The following AGBL3 variants were observed in gnomAD, a reference collection of about 807,000 sequenced individuals.
AGBL3 encodes the protein AGBL carboxypeptidase 3, also known as cytosolic carboxypeptidase 3.
In AGBL3, 68 loss-of-function variants were observed where a neutral mutation model predicts 94.5. The ratio of observed to expected loss-of-function variants is 0.72; its 90% CI spans 0.59 to 0.88. AGBL3 has a LOEUF of 0.88. Ranked by LOEUF, AGBL3 falls within the 40% of genes least tolerant of loss-of-function variation. The pLI is 0.00. For synonymous variants in AGBL3, 354 were observed against 370.7 expected (o/e 0.95, Z 0.52); for missense variants, 934 against 1,103.8 (o/e 0.85, Z 2.18).
intron 3 of AGBL3, among the ~76,000 whole-genome samples, chr7:134,992,272 A>G (rs1444925166): frequency 6.6e-6 from 1 of 152,204 alleles, no homozygotes; most frequent in Non-Finnish European, 1.5e-5. Context: ...GAGTGTGTCC[A>G]GCCACAACAG....
chr7:135,083,813 T>G (rs1821109865), intron 15 of AGBL3, among the ~76,000 whole-genome samples: 1 of 152,226 alleles, frequency 6.6e-6, no homozygotes, highest in Admixed American at 6.6e-5. Flanking sequence ...GTTTTAAAAT[T>G]TTAGTGAACA....
At chr7:135,116,901 G>A (rs1243784260) in intron 16 of AGBL3, among the ~76,000 whole-genome samples, 1 of 152,106 alleles carries the variant, frequency 6.6e-6, no homozygotes, top group African/African-American at 2.4e-5. Context: ...ATGTGTCTGG[G>A]CACATTTGTG....
chr7:135,021,918 T>C (rs1035855789), intron 5 of AGBL3, among the ~76,000 whole-genome samples: 1 of 152,162 alleles, frequency 6.6e-6, no homozygotes, highest in Non-Finnish European at 1.5e-5. Flanking sequence ...ACATGTGGCG[T>C]TTGGTTTTCT....
intron 12 of AGBL3, among the ~76,000 whole-genome samples, chr7:135,067,669 G>C (rs1447352583): frequency 6.6e-6 from 1 of 152,226 alleles, no homozygotes; most frequent in Non-Finnish European, 1.5e-5. Flanking sequence ...CAATCCTGCA[G>C]CTGAGGGTCC....
chr7:135,116,993 T>C (rs1250553106), intron 16 of AGBL3, among the ~76,000 whole-genome samples: 4 of 152,208 alleles, frequency 2.6e-5, no homozygotes, highest in Admixed American at 2.6e-4. Context: ...ATTGTGTTGT[T>C]CCTTTGTTCT....
intron 5 of AGBL3, among the ~76,000 whole-genome samples, chr7:135,019,045 T>C (rs564686020): frequency 1.2e-4 from 19 of 152,354 alleles, no homozygotes; most frequent in African/African-American, 4.3e-4. Context: ...TCTGTCACCA[T>C]AGATTAGTTT....
At position 135,034,131 on chromosome 7, in the gene AGBL3, T is replaced by C. The variant is rs764050909; in HGVS notation, c.558-18T>C. The stretch of plus-strand genomic sequence containing the variant: ...TACATTCTTACGTGCTTTTTTCCCT[T>C]TCTTTCTTGTGTATTAGGGCAGAAT... On this transcript the variant is annotated intron_variant, in intron 6 of 16. Coordinates refer to ENST00000436302, the MANE Select transcript of AGBL3 (RefSeq NM_178563.4). 16 of 1,392,900 alleles carry C rather than the reference T, an allele frequency of 1.1e-5. No individual in the cohort carries two copies. The highest frequency in any genetic ancestry group is 3.1e-5 in the Admixed American group (1 of 32,408). 86.3% of individuals were successfully genotyped at this position (1,392,900 alleles called of 1,614,324 possible).
At chr7:135,094,344 A>G (rs922073637) in intron 15 of AGBL3, 1 of 456,584 alleles carries the variant, frequency 2.2e-6, no homozygotes, top group Non-Finnish European at 4.4e-6. Context: ...GAAGAGACAG[A>G]CGAATCCAGG....
chr7:134,992,404 C>A (rs1397815277), intron 3 of AGBL3, among the ~76,000 whole-genome samples: 1 of 152,184 alleles, frequency 6.6e-6, no homozygotes, highest in African/African-American at 2.4e-5. Flanking sequence ...CATTTCTAAT[C>A]TTCATTTATA....
At chr7:135,121,948 C>T (rs4732098) in intron 16 of AGBL3, among the ~76,000 whole-genome samples, 22,462 of 152,226 alleles carry the variant, frequency 0.15, 1,714 homozygotes, top group Middle Eastern at 0.3. Context: ...CAGGGCCTAG[C>T]GTCCCAACCC....
At chr7:135,134,713 A>T in intron 16 of AGBL3, 128 bp from the exon 17 acceptor site, 1 of 883,362 alleles carries the variant, frequency 1.1e-6, no homozygotes, top group Non-Finnish European at 1.7e-6. Flanking sequence ...TGATGGTAAA[A>T]TTCTTAAACT....
At chr7:135,094,096 T>C (rs1308742926) in intron 15 of AGBL3, 2 of 280,034 alleles carry the variant, frequency 7.1e-6, no homozygotes. Context: ...CTAAAAATAA[T>C]AAAAAATGGA....
chr7:135,115,200 C>CT (rs1563281122), intron 15 of AGBL3, among the ~76,000 whole-genome samples, 180 bp from the exon 16 acceptor site: 1 of 152,138 alleles, frequency 6.6e-6, no homozygotes, highest in Non-Finnish European at 1.5e-5. Context: ...ATCCCGTAAA[C>CT]TTTATCATTA....
At chr7:135,128,062 G>C (rs1238967885) in intron 16 of AGBL3, among the ~76,000 whole-genome samples, 1 of 152,072 alleles carries the variant, frequency 6.6e-6, no homozygotes, top group East Asian at 1.9e-4. Flanking sequence ...GGGAGGCCAA[G>C]GTGGGTGGAT....
chr7:135,067,483 AC>A (rs1423191873), intron 12 of AGBL3, among the ~76,000 whole-genome samples: 42 of 151,966 alleles, frequency 2.8e-4, no homozygotes, highest in Admixed American at 2.7e-3. Flanking sequence ...ATTGGGAGGC[AC>A]CCCCCAGTAG....
chr7:135,078,505 AT>A (rs35073863), intron 13 of AGBL3, among the ~76,000 whole-genome samples: 73,570 of 151,454 alleles, frequency 0.49, 18,216 homozygotes, highest in South Asian at 0.66. Flanking sequence ...TTGTTAGGGG[AT>A]TTTTTTTTAA....
intron 16 of AGBL3, among the ~76,000 whole-genome samples, chr7:135,116,303 C>T (rs1275693036): frequency 1.3e-5 from 2 of 152,186 alleles, no homozygotes; most frequent in African/African-American, 4.8e-5. Flanking sequence ...GACATTCTGA[C>T]TACAGAGTCC....
At chr7:135,041,667 C>T (rs1213644658) in intron 8 of AGBL3, among the ~76,000 whole-genome samples, 1 of 152,010 alleles carries the variant, frequency 6.6e-6, no homozygotes, top group Non-Finnish European at 1.5e-5. Flanking sequence ...ATACCAAAAG[C>T]ATTATCCATT....
intron 4 of AGBL3, among the ~76,000 whole-genome samples, chr7:135,013,232 G>A (rs1357571604): frequency 1.3e-5 from 2 of 152,090 alleles, no homozygotes; most frequent in Non-Finnish European, 2.9e-5. Context: ...CTACCAGGAT[G>A]GCAAAAAATT....
Sources: allele counts gnomAD v4.1 joint callset (sites outside exome capture counted in the v4.1 genomes callset), GRCh38; gene constraint gnomAD v4.1.1; transcripts MANE v1.5; gene names NCBI Gene and HGNC (gene_info 2026-07-23, HGNC 2026-07-21).